The following HDGF variants were observed in gnomAD, a reference collection of about 807,000 sequenced individuals.
HDGF encodes heparin binding growth factor, also known as hepatoma-derived growth factor.
HDGF carries 5 observed loss-of-function variants against 30.0 expected under a neutral mutation model. That is an observed-to-expected ratio of 0.17 (90% CI 0.09 to 0.35). The LOEUF is 0.35. Ranked by LOEUF, HDGF falls within the 10% of genes least tolerant of loss-of-function variation. The probability of loss-of-function intolerance (pLI) is 1.00; values close to 1 mark genes in which losing one functional copy is unlikely to be tolerated. For synonymous variants in HDGF, 133 were observed against 112.7 expected (o/e 1.18, Z -1.14); for missense variants, 214 against 302.8 (o/e 0.71, Z 2.18).
At chr1:156,747,235 T>TC (rs1349728678) in intron 1 of HDGF, among the ~76,000 whole-genome samples, 18 of 18,518 alleles carry the variant, frequency 9.7e-4, no homozygotes, top group East Asian at 7.0e-3. Context: ...TGACCGCCCC[T>TC]CCCCCCTCCC....
At chr1:156,753,563 T>G (rs1339710732), upstream of HDGF, among the ~76,000 whole-genome samples, 1 of 152,212 alleles carries the variant, frequency 6.6e-6, no homozygotes, top group East Asian at 1.9e-4. Context: ...ATTCTATCTA[T>G]CTATCTGAGA....
At chr1:156,755,872 T>G (rs543750100), upstream of HDGF, among the ~76,000 whole-genome samples, 1 of 152,176 alleles carries the variant, frequency 6.6e-6, no homozygotes, top group Non-Finnish European at 1.5e-5. Flanking sequence ...GTGTGTAACT[T>G]TAGGAAAGAC....
chr1:156,758,999 CTG>C (rs1298438992), exon 2 of HDGF: 1 of 152,346 alleles, frequency 6.6e-6, no homozygotes, highest in Non-Finnish European at 1.5e-5. Flanking sequence ...GGGGAAGGGA[CTG>C]TGGAGGCTCC....
intron 1 of HDGF, among the ~76,000 whole-genome samples, chr1:156,748,421 C>G (rs1292912232): frequency 1.3e-5 from 2 of 152,166 alleles, no homozygotes; most frequent in Non-Finnish European, 2.9e-5. Flanking sequence ...ACAAGTGAGT[C>G]AAGGCTAACT....
chr1:156,748,493 T>C (rs1385158594), intron 1 of HDGF, among the ~76,000 whole-genome samples: 1 of 152,070 alleles, frequency 6.6e-6, no homozygotes, highest in African/African-American at 2.4e-5. Context: ...TAGCCAGCAA[T>C]AGGGGAACTC....
upstream of HDGF, chr1:156,751,926 C>G: frequency 1.9e-6 from 2 of 1,079,644 alleles, no homozygotes; most frequent in Non-Finnish European, 1.3e-6. The surrounding 1 kb of genome is among the most constrained non-coding windows in gnomAD (Gnocchi z 4.7). Flanking sequence ...CCGAGCACGC[C>G]GAGCAGGCTT....
intron 1 of HDGF, among the ~76,000 whole-genome samples, chr1:156,749,629 A>G (rs1353241838): frequency 6.6e-6 from 1 of 152,166 alleles, no homozygotes; most frequent in East Asian, 1.9e-4. Flanking sequence ...AAGTGGAGAG[A>G]AAATGGATGG....
chr1:156,765,615 C>T (rs1651348167), intron 1 of HDGF, among the ~76,000 whole-genome samples: 1 of 150,490 alleles, frequency 6.6e-6, no homozygotes, highest in Non-Finnish European at 1.5e-5. Flanking sequence ...GCTGAGCTTA[C>T]AGGCGCCCGC....
chr1:156,743,425 G>A lies in HDGF; in HGVS notation c.*24C>T. On this transcript the variant is annotated 3_prime_UTR_variant, in exon 6 of 6. Coordinates refer to ENST00000357325, the MANE Select transcript of HDGF (RefSeq NM_004494.3). ...CCAGACAGCAGCAGGAACAGGGTGG[G>A]GGCTCCTCTTGAAACATTGGTGGCT... 6.6e-7 allele frequency: 1 copy of A among 1,514,786 alleles called. No homozygotes were observed. The highest frequency in any genetic ancestry group is 8.8e-7 in the Non-Finnish European group (1 of 1,134,314). 93.8% of individuals were successfully genotyped at this position (1,514,786 alleles called of 1,614,324 possible).
chr1:156,744,096 C>G, intron 4 of HDGF, 67 bp downstream of exon 4: 1 of 1,542,450 alleles, frequency 6.5e-7, no homozygotes, highest in South Asian at 1.1e-5. Flanking sequence ...AGGCAAAGCC[C>G]TGCTCCTGTG....
intron 1 of HDGF, among the ~76,000 whole-genome samples, chr1:156,746,900 T>C (rs1324442143): frequency 6.6e-6 from 1 of 151,720 alleles, no homozygotes; most frequent in Non-Finnish European, 1.5e-5. Context: ...ACTGGGGGCC[T>C]GGGGAGACAG....
In HDGF at chr1:156,743,417, C is replaced by T; in HGVS notation, c.*32G>A. ...AGTAGCACCCAGACAGCAGCAGGAA[C>T]AGGGTGGGGGCTCCTCTTGAAACAT... On this transcript the variant is annotated 3_prime_UTR_variant, in exon 6 of 6. Coordinates refer to ENST00000357325, the MANE Select transcript of HDGF (RefSeq NM_004494.3). 1 of 1,512,318 alleles carries T rather than the reference C, an allele frequency of 6.6e-7. No homozygotes were observed. The highest frequency in any genetic ancestry group is 8.8e-7 in the Non-Finnish European group (1 of 1,133,888). The allele number at this position is 1,512,318 out of a possible 1,614,324, so 93.7% of individuals were successfully genotyped here. A position where few individuals can be genotyped will look rare whatever the true frequency, so the allele number is the denominator to read the frequency against.
At chr1:156,744,458 C>T in intron 3 of HDGF, 110 bp from the exon 4 acceptor site, 1 of 1,576,574 alleles carries the variant, frequency 6.3e-7, no homozygotes, top group Non-Finnish European at 8.6e-7. Flanking sequence ...CTCTCCCCCA[C>T]CCCCACCCAG....
At chr1:156,743,628 C>T (rs1650281487) in intron 5 of HDGF, 24 bp downstream of exon 5, 1 of 1,587,276 alleles carries the variant, frequency 6.3e-7, no homozygotes, top group Non-Finnish European at 8.7e-7. Context: ...GTCCAGCTGC[C>T]AAGGGGTCAG....
intron 1 of HDGF, chr1:156,750,627 A>C (rs777408450): frequency 4.6e-5 from 7 of 152,228 alleles, no homozygotes; most frequent in Non-Finnish European, 1.0e-4. Context: ...CTAATACCAC[A>C]AGGGAATCTG....
At chr1:156,753,644 G>A (rs541471221), upstream of HDGF, among the ~76,000 whole-genome samples, 153 of 150,304 alleles carry the variant, frequency 1.0e-3, no homozygotes, top group Middle Eastern at 0.011. Flanking sequence ...TCTGCCTCCC[G>A]GGTTCAAGCG....
intron 1 of HDGF, among the ~76,000 whole-genome samples, chr1:156,749,808 G>A (rs1373344672): frequency 1.3e-5 from 2 of 151,846 alleles, no homozygotes; most frequent in Non-Finnish European, 2.9e-5. Flanking sequence ...CTCCCCAAGG[G>A]CTTAGTCCAG....
chr1:156,759,427 A>G (rs755463745), intron 1 of HDGF, among the ~76,000 whole-genome samples: 1 of 151,724 alleles, frequency 6.6e-6, no homozygotes, highest in African/African-American at 2.4e-5. Context: ...TTACTCAGCA[A>G]TATATTTTGA....
Position 156,743,281 on chromosome 1 carries a change from T to C in HDGF, c.*168A>G, listed in dbSNP as rs1650260561. On this transcript the variant is annotated 3_prime_UTR_variant, in exon 6 of 6. Coordinates refer to ENST00000357325, the MANE Select transcript of HDGF (RefSeq NM_004494.3). ...GGTGAGAGCCAGGTGGCCTGCCCCA[T>C]CCAGGTCAATCTCCATGGGCTGGGC... 7 of 694,902 alleles carry C rather than the reference T, an allele frequency of 1.0e-5. No homozygotes were observed. Among genetic ancestry groups the C allele is most frequent in the Non-Finnish European group, 1.7e-5 (7 of 413,070 alleles). The allele number at this position is 694,902 out of a possible 1,614,324, so 43.0% of individuals were successfully genotyped here. A position where few individuals can be genotyped will look rare whatever the true frequency, so the allele number is the denominator to read the frequency against.
Sources: gnomAD v4.1 joint callset for allele counts (sites outside exome capture counted in the v4.1 genomes callset) on GRCh38, gnomAD v4.1.1 for gene constraint, Gnocchi (gnomAD v3.1) non-coding constraint, MANE v1.5 for transcripts, NCBI Gene and HGNC (gene_info 2026-07-23, HGNC 2026-07-21) for gene names.